ASPSCR1: variants seen among roughly 807,000 people sequenced by gnomAD.
The protein encoded by ASPSCR1 is tether containing UBX domain for GLUT4.
In ASPSCR1, 55 loss-of-function variants were observed where a neutral mutation model predicts 68.9. The observed-to-expected ratio is 0.80, with a 90% CI of 0.64 to 1.00. The LOEUF is 1.00. Ranked by LOEUF, ASPSCR1 falls within the 50% of genes least tolerant of loss-of-function variation. The pLI is 0.00. For missense variants in ASPSCR1, 765 were observed against 762.2 expected (o/e 1.00, Z -0.04); for synonymous variants, 352 against 332.6 (o/e 1.06, Z -0.63).
chr17:82,007,401 T>C (rs1567985257), intron 7 of ASPSCR1: 1 of 152,288 alleles, frequency 6.6e-6, no homozygotes, highest in Non-Finnish European at 1.5e-5. Context: ...CCTAGCAGCG[T>C]GATGCTGATG....
intron 4 of ASPSCR1, among the ~76,000 whole-genome samples, chr17:81,991,239 C>G (rs1190770178): frequency 1.3e-5 from 2 of 152,196 alleles, no homozygotes; most frequent in Non-Finnish European, 2.9e-5. Context: ...GTGGGCACCC[C>G]AGGTGGGAGT....
At position 82,016,996 on chromosome 17, in the gene ASPSCR1, C is replaced by T; in HGVS notation, c.1531C>T (p.Pro511Ser). 6.2e-7 allele frequency: 1 copy of T among 1,612,630 alleles called. No homozygotes were observed. Among genetic ancestry groups the T allele is most frequent in the South Asian group, 1.1e-5 (1 of 91,062 alleles). The change falls in exon 15 of 16, where the codon CCT (proline) becomes TCT (serine). Residue 511 changes from proline to serine, a missense_variant. Pro to Ser is a moderately conservative substitution (Grantham distance 74). Transcript: ENST00000306739. ...CCCATTGCCAGCCCCTGACCCTGCACCTAAGTCTGAGCCAGCTGCTGAGGA... is the reference window on the plus strand; with the variant it reads ...CCCATTGCCAGCCCCTGACCCTGCATCTAAGTCTGAGCCAGCTGCTGAGGA... The part of the protein sequence containing the change: ...PSPLPAPDPA[P>S]KSEPAAEEGA...
intron 5 of ASPSCR1, 60 bp downstream of exon 5, chr17:81,994,938 G>GA (rs1567969264): frequency 6.6e-7 from 1 of 1,523,052 alleles, no homozygotes. Flanking sequence ...TTTCCAACTG[G>GA]AAAATCTGCT....
At chr17:82,006,485 G>A (rs1567984161) in intron 7 of ASPSCR1, 1 of 152,210 alleles carries the variant, frequency 6.6e-6, no homozygotes, top group Non-Finnish European at 1.5e-5. Context: ...CTTTCTGTGG[G>A]CTGAAATATT....
chr17:81,996,065 G>A lies in ASPSCR1; in HGVS notation c.506G>A (p.Arg169Lys). The change falls in exon 6 of 16, where the codon AGG (arginine) becomes AAG (lysine). Residue 169 changes from arginine to lysine, a missense_variant and splice_region_variant. Coordinates refer to ENST00000306739, the MANE Select transcript of ASPSCR1 (RefSeq NM_024083.4). The part of the protein sequence containing the change: ...LGLTGGSATI[R>K]FVMKCYDPVG... ...CTGACCGGGGGCAGCGCCACCATCA[G>A]GTAAGGGCAGTGCTGCTGGGGCCGA... 1.9e-6 allele frequency: 3 copies of A among 1,606,762 alleles called. No individual in the cohort carries two copies. Among genetic ancestry groups the A allele is most frequent in the Non-Finnish European group, 2.5e-6 (3 of 1,177,580 alleles).
intron 5 of ASPSCR1, chr17:81,995,468 G>A (rs2042306452): frequency 4.4e-6 from 1 of 227,946 alleles, no homozygotes; most frequent in Non-Finnish European, 8.7e-6. Flanking sequence ...GGCCCTCAGG[G>A]ACCCTTACAC....
chr17:82,000,010 A>G (rs951733372), intron 7 of ASPSCR1, among the ~76,000 whole-genome samples: 1 of 152,128 alleles, frequency 6.6e-6, no homozygotes, highest in African/African-American at 2.4e-5. Flanking sequence ...TTGGCACCCC[A>G]TCCTCCCTCT....
At chr17:81,988,803 G>C (rs1026688517) in intron 4 of ASPSCR1, among the ~76,000 whole-genome samples, 1 of 152,126 alleles carries the variant, frequency 6.6e-6, no homozygotes, top group Non-Finnish European at 1.5e-5. Flanking sequence ...GGGCATCCCG[G>C]GCAGGGTTGC....
chr17:81,978,387 G>A (rs1365942329), intron 1 of ASPSCR1: 1 of 152,160 alleles, frequency 6.6e-6, no homozygotes, highest in Non-Finnish European at 1.5e-5. Context: ...TTAGCCGGGC[G>A]TGGTGGCGGG....
At chr17:82,015,921 G>T in intron 12 of ASPSCR1, 1 of 167,190 alleles carries the variant, frequency 6.0e-6, no homozygotes, top group Non-Finnish European at 1.3e-5. Flanking sequence ...CCTTGTTTGT[G>T]TCCCTGGGCC....
intron 2 of ASPSCR1, among the ~76,000 whole-genome samples, chr17:81,982,377 C>T (rs373915616): frequency 3.3e-5 from 5 of 152,270 alleles, no homozygotes; most frequent in African/African-American, 1.2e-4. Context: ...GCCATGTTTT[C>T]AGGTGCCCTT....
At chr17:82,011,374 A>G (rs953628744) in intron 10 of ASPSCR1, among the ~76,000 whole-genome samples, 169 bp from the exon 11 acceptor site, 2 of 152,170 alleles carry the variant, frequency 1.3e-5, no homozygotes, top group East Asian at 3.9e-4. Context: ...TGTGGCCCGC[A>G]CGGTGGCCCA....
intron 5 of ASPSCR1, 123 bp from the exon 6 acceptor site, chr17:81,995,869 G>C (rs1041763116): frequency 1.1e-6 from 1 of 895,972 alleles, no homozygotes; most frequent in African/African-American, 1.6e-5. Flanking sequence ...GTGGGGGGTG[G>C]GTAGGATGGA....
rs952004174 is a variant in ASPSCR1, at chr17:81,983,131, C to G, written c.159-423C>G. Among the ~76,000 whole-genome samples, 1 of 152,252 alleles carries G rather than the reference C, an allele frequency of 6.6e-6. No individual in the cohort carries two copies. On this transcript the variant is annotated intron_variant, in intron 2 of 15. Coordinates refer to ENST00000306739, the MANE Select transcript of ASPSCR1 (RefSeq NM_024083.4). This position sits in a 1 kb window ranked among gnomAD's most constrained non-coding sequence, Gnocchi z 4.4. ...AAGTGCTGGGATTACAGGCGTGAGC[C>G]ACTGCGCCCGGGCAGTCAGGTTTTC... is the stretch of plus-strand genomic sequence containing the variant.
In ASPSCR1 at chr17:81,977,879, C is replaced by A. The variant is rs1291780207; in HGVS notation, c.102+131C>A. On this transcript the variant is annotated intron_variant, in intron 1 of 15. Transcript: ENST00000306739. The surrounding 1 kb of genome is among the most constrained non-coding windows in gnomAD (Gnocchi z 5.0). ...GGCCAATGAGCGGCCTCCTGAGCGGCGGCCCCGCCCCCTGCTCGCCGTCAC... is the reference window on the plus strand; with the variant it reads ...GGCCAATGAGCGGCCTCCTGAGCGGAGGCCCCGCCCCCTGCTCGCCGTCAC... The A allele has an allele frequency of 8.3e-6, 5 of 601,216 alleles. No homozygotes were observed. Among genetic ancestry groups the A allele is most frequent in the Admixed American group, 4.8e-5 (1 of 20,862 alleles). The allele number at this position is 601,216 out of a possible 1,614,324, so 37.2% of individuals were successfully genotyped here.
rs377551534 is a variant in ASPSCR1 at position 81,994,804 on chromosome 17, C to A, written c.375-17C>A. The A allele has an allele frequency of 6.8e-6, 11 of 1,612,682 alleles. No individual in the cohort carries two copies. The African/African-American group carries it at 1.3e-4, about 20-fold the overall frequency. On this transcript the variant is annotated splice_polypyrimidine_tract_variant and intron_variant, in intron 4 of 15. Transcript: ENST00000306739. The stretch of plus-strand genomic sequence containing the variant: ...GCTGCCCTGGGGTACCTGATGGTTT[C>A]TTTCCTCTCCTCCCAGGGAGTGCCT...
At chr17:82,000,076 C>G (rs2042478146) in intron 7 of ASPSCR1, among the ~76,000 whole-genome samples, 1 of 152,262 alleles carries the variant, frequency 6.6e-6, no homozygotes, top group African/African-American at 2.4e-5. Flanking sequence ...AGCGCTCGTG[C>G]CCCTCGACCC....
Position 81,987,451 on chromosome 17 carries a change from G to GC in ASPSCR1, c.374+1849dup, listed in dbSNP as rs2042032611. 1.3e-5 allele frequency among the ~76,000 whole-genome samples: 2 copies of GC among 152,230 alleles called. No individual in the cohort carries two copies. Among genetic ancestry groups the GC allele is most frequent in the African/African-American group, 4.8e-5 (2 of 41,458 alleles). ...AGGAAATGCCCCTGGGCCGGGCGGT[G>GC]CCCCCGGGCGTGAACAGAATCCAGT... On this transcript the variant is annotated intron_variant, in intron 4 of 15. Transcript: ENST00000306739. This position sits in a 1 kb window ranked among gnomAD's most constrained non-coding sequence, Gnocchi z 5.6.
intron 9 of ASPSCR1, 95 bp downstream of exon 9, chr17:82,009,662 T>G: frequency 2.1e-6 from 2 of 934,500 alleles, no homozygotes; most frequent in Non-Finnish European, 3.2e-6. Context: ...GGCACAGCTC[T>G]GAGCGGGCCC....
Sources: gnomAD v4.1 joint callset for allele counts (sites outside exome capture counted in the v4.1 genomes callset) on GRCh38, gnomAD v4.1.1 for gene constraint, Gnocchi (gnomAD v3.1) non-coding constraint, MANE v1.5 for transcripts, NCBI Gene and HGNC (gene_info 2026-07-23, HGNC 2026-07-21) for gene names.